The following FAM131B variants were observed in gnomAD, a reference collection of about 807,000 sequenced individuals.
The protein encoded by FAM131B is family with sequence similarity 131 member B, also known as protein FAM131B.
A neutral mutation model predicts 42.0 loss-of-function variants in FAM131B; 19 were observed. That is an observed-to-expected ratio of 0.45 (90% CI 0.32 to 0.66). The LOEUF (loss-of-function observed/expected upper bound fraction) is 0.66, where lower values mean the gene tolerates loss of function less well. Among genes scored for constraint, FAM131B ranks in the 30% least tolerant of loss-of-function variants. FAM131B has a pLI of 0.05. For missense variants in FAM131B, 370 were observed against 468.4 expected (o/e 0.79, Z 1.94); for synonymous variants, 183 against 177.6 (o/e 1.03, Z -0.24).
Position 143,358,168 on chromosome 7 carries a change from C to G in FAM131B, c.466+659G>C, listed in dbSNP as rs1361778968. Among the ~76,000 whole-genome samples the G allele has an allele frequency of 6.6e-6, 1 of 152,028 alleles. No homozygotes were observed. Among genetic ancestry groups the G allele is most frequent in the Non-Finnish European group, 1.5e-5 (1 of 67,984 alleles). ...GTGTTGAAGCTGGTACTGCTCCTGC[C>G]CCCCACCCTACATGTTTGTCACCCT... is the stretch of plus-strand genomic sequence containing the variant. On this transcript the variant is annotated intron_variant, in intron 5 of 6. Coordinates refer to ENST00000443739, the MANE Select transcript of FAM131B (RefSeq NM_001031690.3). This position sits in a 1 kb window ranked among gnomAD's most constrained non-coding sequence, Gnocchi z 4.7.
the FAM131B span, chr7:143,381,467 G>A: frequency 1.5e-6 from 2 of 1,309,238 alleles, no homozygotes; most frequent in East Asian, 3.1e-5. Flanking sequence ...GGCGCCGGGA[G>A]GGGGCGAGTG....
In FAM131B at chr7:143,359,147, G is replaced by T; in HGVS notation, c.269-123C>A. 2 of 1,107,478 alleles carry T rather than the reference G, an allele frequency of 1.8e-6. No individual in the cohort carries two copies. The highest frequency in any genetic ancestry group is 1.3e-6 in the Non-Finnish European group (1 of 762,294). The allele number at this position is 1,107,478 out of a possible 1,614,324, so 68.6% of individuals were successfully genotyped here. A position where few individuals can be genotyped will look rare whatever the true frequency, so the allele number is the denominator to read the frequency against. Reference sequence around the variant, plus strand: ...TCCCACTGGGCCAGGCTCCCCTAAGGACTCCATAGATGGGGTAGTGGAGGG... The same window carrying T: ...TCCCACTGGGCCAGGCTCCCCTAAGTACTCCATAGATGGGGTAGTGGAGGG... On this transcript the variant is annotated intron_variant, in intron 4 of 6. Coordinates refer to ENST00000443739, the MANE Select transcript of FAM131B (RefSeq NM_001031690.3). This position sits in a 1 kb window ranked among gnomAD's most constrained non-coding sequence, Gnocchi z 5.4.
At chr7:143,380,741 G>C in the FAM131B span, 5 of 985,322 alleles carry the variant, frequency 5.1e-6, no homozygotes, top group South Asian at 1.4e-4. This position sits in a 1 kb window ranked among gnomAD's most constrained non-coding sequence, Gnocchi z 5.0. Context: ...GAGTCAGCTG[G>C]GGGGTGCTGG....
At chr7:143,367,345 A>G (rs1004394408), upstream of FAM131B, among the ~76,000 whole-genome samples, 3 of 152,224 alleles carry the variant, frequency 2.0e-5, no homozygotes, top group African/African-American at 7.2e-5. Flanking sequence ...TTTGACTTTT[A>G]GACAAGGTTT....
chr7:143,362,936 C>T (rs867485874), upstream of FAM131B, among the ~76,000 whole-genome samples: 1 of 151,854 alleles, frequency 6.6e-6, no homozygotes, highest in African/African-American at 2.4e-5. The surrounding 1 kb of genome is among the most constrained non-coding windows in gnomAD (Gnocchi z 7.7). Flanking sequence ...TCGCCGCCCC[C>T]CTCCTCCCGC....
In FAM131B at chr7:143,354,291, T is replaced by C. The variant is rs1039874726; in HGVS notation, c.*2259A>G. 1 of 152,228 alleles carries C rather than the reference T, an allele frequency of 6.6e-6. No homozygotes were observed. Among genetic ancestry groups the C allele is most frequent in the Non-Finnish European group, 1.5e-5 (1 of 68,054 alleles). The allele number at this position is 152,228 out of a possible 1,614,324, so 9.4% of individuals were successfully genotyped here. The stretch of plus-strand genomic sequence containing the variant: ...TTTTGTCAGGGACCATTTGGCTTCC[T>C]TGGGAAAGGGAAGGAGGAACGAAAG... On this transcript the variant is annotated 3_prime_UTR_variant, in exon 7 of 7. Coordinates refer to ENST00000443739, the MANE Select transcript of FAM131B (RefSeq NM_001031690.3).
At chr7:143,377,365 G>C in the FAM131B span, among the ~76,000 whole-genome samples, 1 of 152,326 alleles carries the variant, frequency 6.6e-6, no homozygotes, top group Admixed American at 6.5e-5. Context: ...CATGCAGATA[G>C]ATATATAAAC....
At chr7:143,380,775 C>T in the FAM131B span, 1 of 985,072 alleles carries the variant, frequency 1.0e-6, no homozygotes, top group African/African-American at 1.7e-5. This position sits in a 1 kb window ranked among gnomAD's most constrained non-coding sequence, Gnocchi z 5.0. Context: ...CCGCTCCTCA[C>T]CCCCCATCCC....
the FAM131B span, chr7:143,381,339 C>G: frequency 1.7e-6 from 2 of 1,142,896 alleles, no homozygotes; most frequent in Non-Finnish European, 2.2e-6. Context: ...TGCTCCGGAC[C>G]GGGACGCAGA....
the FAM131B span, among the ~76,000 whole-genome samples, chr7:143,369,545 G>A: frequency 6.6e-6 from 1 of 151,946 alleles, no homozygotes; most frequent in Non-Finnish European, 1.5e-5. Flanking sequence ...CATGGTGGTG[G>A]GCACCTGTAG....
At position 143,360,152 on chromosome 7, in the gene FAM131B, G is replaced by A; in HGVS notation, c.29-3C>T. On this transcript the variant is annotated splice_polypyrimidine_tract_variant and splice_region_variant and intron_variant, in intron 1 of 6. Transcript: ENST00000443739. ...ATCCACTGCAATCACCTCATTCCCT[G>A]AGGGGGCCAGAAGGTTAGCCGCCGG... is the stretch of plus-strand genomic sequence containing the variant. 1 of 1,605,472 alleles carries A rather than the reference G, an allele frequency of 6.2e-7. No homozygotes were observed.
intron 1 of FAM131B, chr7:143,361,942 A>C (rs1804017702): frequency 3.8e-6 from 2 of 529,210 alleles, no homozygotes. Flanking sequence ...CCTTCCCTCC[A>C]CCCGGCCCTG....
the FAM131B span, among the ~76,000 whole-genome samples, chr7:143,369,073 G>T: frequency 6.6e-6 from 1 of 152,294 alleles, no homozygotes; most frequent in Non-Finnish European, 1.5e-5. Flanking sequence ...GTTAAAACTG[G>T]TTGAATACTT....
In FAM131B at chr7:143,358,476, A is replaced by G. The variant is rs938054153; in HGVS notation, c.466+351T>C. Among the ~76,000 whole-genome samples the G allele has an allele frequency of 6.6e-6, 1 of 152,202 alleles. No homozygotes were observed. Among genetic ancestry groups the G allele is most frequent in the African/African-American group, 2.4e-5 (1 of 41,446 alleles). ...CTCGAAATGCTAAAGGGCAAAGGCT[A>G]AAAGAGATCCCCAAGGCCTTTCTTT... On this transcript the variant is annotated intron_variant, in intron 5 of 6. Coordinates refer to ENST00000443739, the MANE Select transcript of FAM131B (RefSeq NM_001031690.3). The surrounding 1 kb of genome is among the most constrained non-coding windows in gnomAD (Gnocchi z 4.7).
At chr7:143,381,483 C>T in the FAM131B span, 1 of 1,408,990 alleles carries the variant, frequency 7.1e-7, no homozygotes, top group Non-Finnish European at 9.3e-7. Context: ...GAGTGGGGGT[C>T]ACCAAGGGGA....
intron 6 of FAM131B, 69 bp from the exon 7 acceptor site, chr7:143,357,091 C>T: frequency 8.1e-7 from 1 of 1,239,642 alleles, no homozygotes; most frequent in Non-Finnish European, 1.2e-6. Context: ...GCACAGACAG[C>T]ACAAGAGACA....
chr7:143,358,494 C>T lies in FAM131B; in HGVS notation c.466+333G>A, dbSNP rs913813752. On this transcript the variant is annotated intron_variant, in intron 5 of 6. Transcript: ENST00000443739. This position sits in a 1 kb window ranked among gnomAD's most constrained non-coding sequence, Gnocchi z 4.7. ...AAAGGCTAAAAGAGATCCCCAAGGC[C>T]TTTCTTTCTTTCAAAGACCAAGGTC... Among the ~76,000 whole-genome samples, 9 of 151,940 alleles carry T rather than the reference C, an allele frequency of 5.9e-5. No individual in the cohort carries two copies. The highest frequency in any genetic ancestry group is 1.3e-4 in the Non-Finnish European group (9 of 68,040).
At position 143,356,723 on chromosome 7, in the gene FAM131B, C is replaced by G. The variant is rs1803673233; in HGVS notation, c.910G>C (p.Glu304Gln). The G allele has an allele frequency of 6.2e-7, 1 of 1,614,032 alleles. No individual in the cohort carries two copies. ...VDLARGPAEE[E>Q]KRPLAPEEEE... ...TCCTCAGGTGCCAATGGCCTCTTCT[C>G]CTCCTCAGCAGGGCCCCTTGCCAGG... Residue 304 changes from glutamate to glutamine, a missense_variant, in exon 7 of 7, where the codon GAG (glutamate) becomes CAG (glutamine). By Grantham distance (29) the Glu-to-Gln change is conservative (BLOSUM62 2). Coordinates refer to ENST00000443739, the MANE Select transcript of FAM131B (RefSeq NM_001031690.3). The surrounding 1 kb of genome is among the most constrained non-coding windows in gnomAD (Gnocchi z 4.4).
the FAM131B span, chr7:143,379,914 C>A: frequency 3.4e-6 from 1 of 294,260 alleles, no homozygotes; most frequent in Non-Finnish European, 5.0e-6. Context: ...CAGTTTAGAT[C>A]CTGCCTTTAC....
Sources: allele counts gnomAD v4.1 joint callset (sites outside exome capture counted in the v4.1 genomes callset), GRCh38; gene constraint gnomAD v4.1.1; non-coding constraint Gnocchi (gnomAD v3.1); transcripts MANE v1.5; gene names NCBI Gene and HGNC (gene_info 2026-07-23, HGNC 2026-07-21).